Variants in ANKRD11 observed in about 807,000 individuals in gnomAD.
ANKRD11 encodes ankyrin repeat domain-containing protein 11.
Under a neutral mutation model 195.7 loss-of-function variants are expected in ANKRD11, and 17 were observed. The ratio of observed to expected loss-of-function variants is 0.09; its 90% confidence interval spans 0.06 to 0.13. The LOEUF (loss-of-function observed/expected upper bound fraction) is 0.13. Among genes scored for constraint, ANKRD11 ranks in the 10% least tolerant of loss-of-function variants. The probability of loss-of-function intolerance (pLI) is 1.00; values close to 1 mark genes in which losing one functional copy is unlikely to be tolerated. For missense variants in ANKRD11, 3,735 were observed against 3,566.1 expected, an observed-to-expected ratio of 1.05 and a Z score of -1.21; for synonymous variants, 1,953 against 1,528.1, an observed-to-expected ratio of 1.28 and a Z score of -6.49.
intron 1 of ANKRD11, chr16:89,422,235 G>C (rs116225393): frequency 6.6e-6 from 1 of 152,144 alleles, no homozygotes; most frequent in Non-Finnish European, 1.5e-5. Flanking sequence ...GATCACTTCC[G>C]CACAGAAGCT....
At chr16:89,302,014 T>C (rs909560126) in intron 4 of ANKRD11, among the ~76,000 whole-genome samples, 1 of 152,108 alleles carries the variant, frequency 6.6e-6, no homozygotes, top group Non-Finnish European at 1.5e-5. Context: ...CCCACACCCC[T>C]CCAGAGAGGC....
At chr16:89,343,036 T>G (rs2038765156) in intron 2 of ANKRD11, among the ~76,000 whole-genome samples, 1 of 152,212 alleles carries the variant, frequency 6.6e-6, no homozygotes, top group African/African-American at 2.4e-5. Context: ...AAATTTTTAT[T>G]TGAGACGCAG....
chr16:89,404,323 G>C (rs973498822), intron 2 of ANKRD11, among the ~76,000 whole-genome samples: 1 of 152,154 alleles, frequency 6.6e-6, no homozygotes, highest in African/African-American at 2.4e-5. Context: ...TGTAACTAAG[G>C]AAAATGGAAG....
chr16:89,327,369 C>T (rs1235328259), intron 2 of ANKRD11, among the ~76,000 whole-genome samples: 2 of 152,068 alleles, frequency 1.3e-5, no homozygotes, highest in African/African-American at 4.8e-5. Flanking sequence ...TCAAGAGTGA[C>T]GTGCTGAGGG....
In ANKRD11 at chr16:89,478,159, G is replaced by A. The variant is rs114710387; in HGVS notation, c.-145+12086C>T. ...GAACAGTTCCCAACGTTGTTGTCAGGGCACAGTGACAGTGGCCCAGCTGCC... is the reference window on the plus strand; with the variant it reads ...GAACAGTTCCCAACGTTGTTGTCAGAGCACAGTGACAGTGGCCCAGCTGCC... On this transcript the variant is annotated intron_variant, in intron 1 of 12. Coordinates refer to ENST00000301030, the MANE Select transcript of ANKRD11 (RefSeq NM_013275.6). Among the ~76,000 whole-genome samples, 1,278 of 152,208 alleles carry A rather than the reference G, an allele frequency of 8.4e-3. 16 individuals are homozygous for A. Among genetic ancestry groups the A allele is most frequent in the African/African-American group, 0.029 (1,199 of 41,516 alleles).
intron 4 of ANKRD11, among the ~76,000 whole-genome samples, chr16:89,293,782 G>T (rs1308126040): frequency 6.6e-6 from 1 of 152,058 alleles, no homozygotes; most frequent in African/African-American, 2.4e-5. Context: ...GCGGTGTTGG[G>T]GCTGCAGTAT....
At chr16:89,327,763 A>T (rs959470984) in intron 2 of ANKRD11, among the ~76,000 whole-genome samples, 2 of 152,220 alleles carry the variant, frequency 1.3e-5, no homozygotes, top group Non-Finnish European at 2.9e-5. Flanking sequence ...GTTCATATGG[A>T]ACAAAACTAG....
At chr16:89,325,550 T>C (rs573636237) in intron 2 of ANKRD11, among the ~76,000 whole-genome samples, 8 of 151,732 alleles carry the variant, frequency 5.3e-5, no homozygotes, top group South Asian at 4.2e-4. Flanking sequence ...TTTCTGAAAA[T>C]AGCAACTACA....
intron 4 of ANKRD11, among the ~76,000 whole-genome samples, chr16:89,302,539 C>A (rs1330462031): frequency 6.6e-6 from 1 of 152,196 alleles, no homozygotes; most frequent in Non-Finnish European, 1.5e-5. Context: ...CCGTGAGCCA[C>A]CGCGCCTGGC....
chr16:89,391,982 G>C (rs965476381), intron 2 of ANKRD11, among the ~76,000 whole-genome samples: 8 of 152,188 alleles, frequency 5.3e-5, no homozygotes, highest in African/African-American at 1.9e-4. Context: ...CTTAGTTGAA[G>C]GTGTTTTTAC....
At chr16:89,394,538 G>T (rs562639250) in intron 2 of ANKRD11, among the ~76,000 whole-genome samples, 1 of 151,800 alleles carries the variant, frequency 6.6e-6, no homozygotes. Flanking sequence ...TGAGGCAGGA[G>T]AATCGCTTGA....
chr16:89,420,479 C>G (rs991175782), intron 1 of ANKRD11: 1 of 152,156 alleles, frequency 6.6e-6, no homozygotes, highest in Non-Finnish European at 1.5e-5. Context: ...CTGCTGTTTC[C>G]CATGTATGAA....
Position 89,407,957 on chromosome 16 carries a change from T to A in ANKRD11, c.-60+10327A>T, listed in dbSNP as rs116080779. Among the ~76,000 whole-genome samples the A allele has an allele frequency of 4.6e-3, 700 of 152,168 alleles. 4 individuals carry two copies. The highest frequency in any genetic ancestry group is 0.016 in the African/African-American group (673 of 41,488). ...TTCAAAAAGCCAAACTGATAAGTTT[T>A]TAAGTAAAGAACAAACACATCTATA... On this transcript the variant is annotated intron_variant, in intron 2 of 12. Coordinates refer to ENST00000301030, the MANE Select transcript of ANKRD11 (RefSeq NM_013275.6).
intron 2 of ANKRD11, among the ~76,000 whole-genome samples, chr16:89,363,015 G>A (rs2039797909): frequency 6.6e-6 from 1 of 151,722 alleles, no homozygotes; most frequent in Non-Finnish European, 1.5e-5. Context: ...TTTATCCGGT[G>A]TACTCTCGTG....
At chr16:89,313,396 G>A (rs1442467160) in intron 3 of ANKRD11, 1 of 1,288,578 alleles carries the variant, frequency 7.8e-7, no homozygotes, top group South Asian at 1.2e-5. Flanking sequence ...GGATTCCGTG[G>A]TCGGCAATGG....
chr16:89,479,009 G>A (rs1046702913), intron 1 of ANKRD11, among the ~76,000 whole-genome samples: 2 of 152,040 alleles, frequency 1.3e-5, no homozygotes, highest in African/African-American at 4.8e-5. Flanking sequence ...AGAGACCAGT[G>A]GCATGATCTC....
At chr16:89,316,154 C>A (rs1027105539) in intron 3 of ANKRD11, among the ~76,000 whole-genome samples, 3 of 152,174 alleles carry the variant, frequency 2.0e-5, no homozygotes, top group African/African-American at 7.2e-5. Flanking sequence ...CACAGCAAGG[C>A]CCTGCCTCAC....
Position 89,284,706 on chromosome 16 carries a change from C to T in ANKRD11, c.1836G>A (p.Leu612=). 3.1e-6 allele frequency: 5 copies of T among 1,613,984 alleles called. No individual in the cohort carries two copies. The highest frequency in any genetic ancestry group is 4.2e-6 in the Non-Finnish European group (5 of 1,180,022). Residue 612 remains leucine (L), a synonymous_variant, in exon 9 of 13, where the codon CTG becomes CTA. Coordinates refer to ENST00000301030, the MANE Select transcript of ANKRD11 (RefSeq NM_013275.6). ...TGGGGACAGCGCCCTCCGCGCTGGACAGGAAGGGGCTCTTCTTCTCCGACA... is the reference window on the plus strand; with the variant it reads ...TGGGGACAGCGCCCTCCGCGCTGGATAGGAAGGGGCTCTTCTTCTCCGACA... ...ASLSEKKSPF[L]SSAEGAVPKL...
chr16:89,317,450 C>A (rs960482774), intron 2 of ANKRD11, among the ~76,000 whole-genome samples: 2 of 152,210 alleles, frequency 1.3e-5, no homozygotes, highest in African/African-American at 4.8e-5. Context: ...CAGTCCCTTC[C>A]CCGCATTACA....
Sources: gnomAD v4.1 joint callset for allele counts (sites outside exome capture counted in the v4.1 genomes callset) on GRCh38, gnomAD v4.1.1 for gene constraint, MANE v1.5 for transcripts, NCBI Gene and HGNC (gene_info 2026-07-23, HGNC 2026-07-21) for gene names.